ADAM32: variants seen among roughly 807,000 people sequenced by gnomAD.
ADAM32 encodes ADAM metallopeptidase domain 32.
Under a neutral mutation model 114.9 loss-of-function variants are expected in ADAM32, and 89 were observed. That is an observed-to-expected ratio of 0.77 (90% CI 0.65 to 0.92). The LOEUF is 0.92. ADAM32 is among the 40% of genes least tolerant of loss of function. The pLI is 0.00. For missense variants in ADAM32, 870 were observed against 932.8 expected, an observed-to-expected ratio of 0.93 and a Z score of 0.88; for synonymous variants, 285 against 307.5, an observed-to-expected ratio of 0.93 and a Z score of 0.77.
chr8:39,203,531 A>G (rs559182737), intron 11 of ADAM32, among the ~76,000 whole-genome samples: 1 of 152,130 alleles, frequency 6.6e-6, no homozygotes, highest in Non-Finnish European at 1.5e-5. Context: ...GTGTCTCTGC[A>G]TGGGAGATGG....
upstream of ADAM32, chr8:39,107,545 A>G (rs997041491): frequency 1.6e-6 from 2 of 1,270,918 alleles, no homozygotes; most frequent in East Asian, 5.7e-5. Context: ...TCCAGCAACC[A>G]CGCGGCTGGG....
intron 11 of ADAM32, among the ~76,000 whole-genome samples, chr8:39,195,947 A>G (rs557252851): frequency 4.0e-4 from 61 of 152,168 alleles, no homozygotes; most frequent in Non-Finnish European, 8.1e-4. Flanking sequence ...GATCATGATA[A>G]CAGTATTAAT....
rs748561734 is a variant in ADAM32 at position 39,120,761 on chromosome 8, C to CAAAA, written c.138+2612_138+2615dup. ...TGGGTGACAGAGCAAGACTCCGTCT[C>CAAAA]AAAAAAAAAAAAAAAAAAAGTGTTT... is the stretch of plus-strand genomic sequence containing the variant. On this transcript the variant is annotated intron_variant, in intron 2 of 24. Coordinates refer to ENST00000379907, the MANE Select transcript of ADAM32 (RefSeq NM_145004.7). 1.7e-3 allele frequency among the ~76,000 whole-genome samples: 164 copies of CAAAA among 99,382 alleles called. 5 individuals carry two copies. Among genetic ancestry groups the CAAAA allele is most frequent in the East Asian group, 6.3e-3 (23 of 3,676 alleles). 65.2% of individuals were successfully genotyped at this position (99,382 alleles called of 152,430 possible).
At position 39,151,384 on chromosome 8, in the gene ADAM32, C is replaced by T. The variant is rs1331293359; in HGVS notation, c.361C>T (p.Leu121=). 5 of 1,588,434 alleles carry T rather than the reference C, an allele frequency of 3.1e-6. No individual in the cohort carries two copies. The African/African-American group carries it at 4.1e-5, about 13-fold the overall frequency. The change falls in exon 6 of 25, where the codon CTG becomes TTG. Residue 121 remains leucine, a synonymous_variant. Coordinates refer to ENST00000379907, the MANE Select transcript of ADAM32 (RefSeq NM_145004.7). ...LSTCSGLRGI[L]QFENVSYGIE... ...GTATTCATAATTTCACAGAGGAATA[C>T]TGCAATTTGAAAATGTTTCTTATGG... is the stretch of plus-strand genomic sequence containing the variant.
At chr8:39,239,139 A>G (rs554252883) in intron 16 of ADAM32, among the ~76,000 whole-genome samples, 1 of 152,308 alleles carries the variant, frequency 6.6e-6, no homozygotes, top group Admixed American at 6.5e-5. Context: ...TAAAGTAAAG[A>G]TGAAGGAAAG....
At chr8:39,185,693 T>G (rs767236291) in intron 10 of ADAM32, among the ~76,000 whole-genome samples, 13 of 152,170 alleles carry the variant, frequency 8.5e-5, no homozygotes, top group Non-Finnish European at 1.3e-4. Context: ...TGAATTACAA[T>G]AAATTTGTTC....
intron 20 of ADAM32, among the ~76,000 whole-genome samples, chr8:39,273,688 T>A (rs541454256): frequency 2.0e-5 from 3 of 152,366 alleles, no homozygotes; most frequent in African/African-American, 7.2e-5. Context: ...CTGAAGTTAT[T>A]CAGCCTCAGC....
intron 12 of ADAM32, among the ~76,000 whole-genome samples, chr8:39,212,506 A>T (rs188295879): frequency 6.6e-6 from 1 of 152,322 alleles, no homozygotes; most frequent in Admixed American, 6.5e-5. Flanking sequence ...CTGTCTCCAG[A>T]TAATTTCTGA....
At chr8:39,163,896 T>C (rs1396160224) in intron 7 of ADAM32, among the ~76,000 whole-genome samples, 5 of 152,230 alleles carry the variant, frequency 3.3e-5, no homozygotes, top group African/African-American at 4.8e-5. Context: ...TCCAAGGTGA[T>C]GTACTATAGA....
At chr8:39,145,900 T>C (rs1212969988) in intron 3 of ADAM32, among the ~76,000 whole-genome samples, 1 of 151,882 alleles carries the variant, frequency 6.6e-6, no homozygotes, top group African/African-American at 2.4e-5. Context: ...CTGGCTAATT[T>C]TGGTATTTTT....
chr8:39,259,834 A>G (rs1428190803), intron 19 of ADAM32, among the ~76,000 whole-genome samples: 1 of 152,222 alleles, frequency 6.6e-6, no homozygotes, highest in South Asian at 2.1e-4. Context: ...AGCTTTTTCC[A>G]TTGATAACAT....
chr8:39,148,337 A>G (rs1411667174), intron 4 of ADAM32, among the ~76,000 whole-genome samples: 4 of 152,140 alleles, frequency 2.6e-5, no homozygotes, highest in Admixed American at 6.6e-5. Flanking sequence ...ATTTCCTGGT[A>G]TCCAAATGCT....
At chr8:39,262,126 C>T (rs1812069296) in intron 19 of ADAM32, among the ~76,000 whole-genome samples, 2 of 151,024 alleles carry the variant, frequency 1.3e-5, no homozygotes, top group South Asian at 4.2e-4. Context: ...AGGCCAATGT[C>T]CTGATCATTT....
intron 6 of ADAM32, chr8:39,158,766 T>C (rs1804315016): frequency 6.6e-6 from 1 of 152,626 alleles, no homozygotes; most frequent in African/African-American, 2.4e-5. Context: ...TTGATTGATT[T>C]GTTTTGAAGT....
intron 2 of ADAM32, chr8:39,129,829 G>T (rs1368387588): frequency 6.2e-6 from 2 of 322,302 alleles, no homozygotes; most frequent in Non-Finnish European, 1.2e-5. Flanking sequence ...TTATAATTAT[G>T]AGTGTAATCT....
At chr8:39,157,228 A>G (rs982064608) in intron 6 of ADAM32, among the ~76,000 whole-genome samples, 1 of 152,088 alleles carries the variant, frequency 6.6e-6, no homozygotes, top group Non-Finnish European at 1.5e-5. Context: ...TCTTTTTATC[A>G]TTAACTTTGG....
chr8:39,189,271 T>G (rs976335632), intron 11 of ADAM32, among the ~76,000 whole-genome samples: 2 of 152,162 alleles, frequency 1.3e-5, no homozygotes, highest in African/African-American at 4.8e-5. Context: ...GTCAACAAGT[T>G]TATCTAATTT....
chr8:39,156,494 T>A (rs1486679538), intron 6 of ADAM32, among the ~76,000 whole-genome samples: 1 of 152,238 alleles, frequency 6.6e-6, no homozygotes, highest in African/African-American at 2.4e-5. Flanking sequence ...ACTGTGTTTT[T>A]AATTTCTTTT....
chr8:39,269,788 G>A (rs1175243443), intron 19 of ADAM32, among the ~76,000 whole-genome samples: 3 of 152,190 alleles, frequency 2.0e-5, no homozygotes, highest in South Asian at 2.1e-4. Flanking sequence ...AGACATATAT[G>A]TAAGTTGTTG....
Sources: gnomAD v4.1 joint callset for allele counts (sites outside exome capture counted in the v4.1 genomes callset) on GRCh38, gnomAD v4.1.1 for gene constraint, MANE v1.5 for transcripts, NCBI Gene and HGNC (gene_info 2026-07-23, HGNC 2026-07-21) for gene names.